SGCD: variants seen among roughly 807,000 people sequenced by gnomAD.
SGCD encodes the protein sarcoglycan delta, also known as delta-sarcoglycan.
SGCD carries 18 observed loss-of-function variants against 36.6 expected under a neutral mutation model. That is an observed-to-expected ratio of 0.49 (90% CI 0.34 to 0.73). The LOEUF (loss-of-function observed/expected upper bound fraction) is 0.73, where lower values mean the gene tolerates loss of function less well. Among genes scored for constraint, SGCD ranks in the 30% least tolerant of loss-of-function variants. The pLI is 0.01. For missense variants in SGCD, 387 were observed against 346.7 expected, an observed-to-expected ratio of 1.12 and a Z score of -0.92; for synonymous variants, 133 against 130.6, an observed-to-expected ratio of 1.02 and a Z score of -0.12.
the SGCD span, among the ~76,000 whole-genome samples, chr5:155,846,522 G>A: frequency 0.017 from 2,572 of 152,188 alleles, 78 homozygotes; most frequent in African/African-American, 0.059. Context: ...GTCATCACTC[G>A]TGGTTAGGGA....
At position 156,674,515 on chromosome 5, in the gene SGCD, G is replaced by A. The variant is rs192609487; in HGVS notation, c.575+26979G>A. ...TTTCTAATGGACTGAAGTGGTAAAC[G>A]ATCTCCCATAGTCACGGACATCCCA... On this transcript the variant is annotated intron_variant, in intron 7 of 8. Transcript: ENST00000337851. 4.0e-3 allele frequency among the ~76,000 whole-genome samples: 607 copies of A among 152,246 alleles called. 4 individuals are homozygous for A. The highest frequency in any genetic ancestry group is 6.8e-3 in the Non-Finnish European group (461 of 68,022).
At chr5:156,380,330 C>G (rs1770912563) in intron 3 of SGCD, among the ~76,000 whole-genome samples, 1 of 152,164 alleles carries the variant, frequency 6.6e-6, no homozygotes, top group South Asian at 2.1e-4. Flanking sequence ...AGAACCCTCA[C>G]TTGATGAATA....
At position 156,225,988 on chromosome 5, in the gene SGCD, G is replaced by A. The variant is rs117252319; in HGVS notation, c.-44+101969G>A. ...TGTTGGGCATATGGATAATTTACTG[G>A]AAATCATTTTGTGTGCAAGTATTAG... On this transcript the variant is annotated intron_variant, in intron 3 of 9. Coordinates refer to the SGCD transcript ENST00000517913. Among the ~76,000 whole-genome samples the A allele has an allele frequency of 1.1e-3, 163 of 152,172 alleles. 1 individual carries two copies. Among genetic ancestry groups the A allele is most frequent in the African/African-American group, 3.7e-3 (155 of 41,504 alleles).
At chr5:155,812,055 T>C in the SGCD span, among the ~76,000 whole-genome samples, 1 of 152,172 alleles carries the variant, frequency 6.6e-6, no homozygotes, top group African/African-American at 2.4e-5. Flanking sequence ...CAGTAACAAT[T>C]GCAACAAAAG....
intron 1 of SGCD, among the ~76,000 whole-genome samples, chr5:155,892,774 A>G (rs1053364479): frequency 1.3e-5 from 2 of 152,236 alleles, no homozygotes; most frequent in Non-Finnish European, 2.9e-5. Context: ...GAATAGTATT[A>G]CATTGTGTAT....
chr5:156,079,725 G>T (rs536915215), intron 1 of SGCD, among the ~76,000 whole-genome samples: 1 of 152,194 alleles, frequency 6.6e-6, no homozygotes, highest in South Asian at 2.1e-4. Context: ...CAAGAGGTGG[G>T]CCCCTAAGGT....
the SGCD span, among the ~76,000 whole-genome samples, chr5:155,744,834 A>G: frequency 3.0e-4 from 45 of 152,360 alleles, no homozygotes; most frequent in South Asian, 1.7e-3. Flanking sequence ...ATTTGATGAG[A>G]TAATGGCTAT....
intron 3 of SGCD, among the ~76,000 whole-genome samples, chr5:156,291,621 C>T (rs1455364985): frequency 3.3e-5 from 5 of 151,984 alleles, no homozygotes; most frequent in African/African-American, 4.8e-5. Flanking sequence ...TATTTACTAT[C>T]TTAACCTTTT....
At chr5:156,032,338 G>T (rs1170197742) in intron 1 of SGCD, among the ~76,000 whole-genome samples, 1 of 151,512 alleles carries the variant, frequency 6.6e-6, no homozygotes, top group Non-Finnish European at 1.5e-5. Flanking sequence ...ATTCTTTTTT[G>T]TTTTTTTAAC....
At chr5:156,120,639 T>C (rs1288892130) in intron 2 of SGCD, among the ~76,000 whole-genome samples, 1 of 152,172 alleles carries the variant, frequency 6.6e-6, no homozygotes, top group Admixed American at 6.6e-5. Flanking sequence ...AAGTACCTTT[T>C]CTCTGAAGCA....
In SGCD at chr5:156,647,502, C is replaced by T. The variant is rs1424732181; in HGVS notation, c.541C>T (p.Pro181Ser). The T allele has an allele frequency of 1.3e-6, 2 of 1,587,064 alleles. No individual in the cohort carries two copies. Among genetic ancestry groups the T allele is most frequent in the Admixed American group, 3.5e-5 (2 of 56,420 alleles). ...GTVFPKSIET[P>S]NVRADPFKEL... is the part of the protein sequence containing the mutation. ...AGTGTTCCCTAAATCTATAGAAACA[C>T]CTAATGTCAGGGCAGACCCCTTCAA... The change falls in exon 7 of 9, where the codon CCT becomes TCT. Residue 181 changes from proline (P) to serine (S), a missense_variant. By Grantham distance (74) the Pro-to-Ser change is moderately conservative (BLOSUM62 -1). Transcript: ENST00000337851.
At chr5:156,151,832 CTT>C (rs11284006) in intron 3 of SGCD, among the ~76,000 whole-genome samples, 1 of 149,532 alleles carries the variant, frequency 6.7e-6, no homozygotes, top group Non-Finnish European at 1.5e-5. Context: ...TCTTCTTCTT[CTT>C]TTTTTTTTGG....
chr5:156,298,877 T>G (rs115025702), intron 3 of SGCD, among the ~76,000 whole-genome samples: 2,134 of 152,314 alleles, frequency 0.014, 23 homozygotes, highest in Non-Finnish European at 0.024. Flanking sequence ...TTCAAATATT[T>G]TCTTTCATTG....
chr5:156,610,839 G>A (rs1409732962), intron 6 of SGCD, among the ~76,000 whole-genome samples: 1 of 152,228 alleles, frequency 6.6e-6, no homozygotes, highest in Non-Finnish European at 1.5e-5. Flanking sequence ...GACCCTCCAG[G>A]CCAGGCGCAG....
At position 156,740,710 on chromosome 5, in the gene SGCD, C is replaced by T. The variant is rs780179885; in HGVS notation, c.576-16871C>T. On this transcript the variant is annotated intron_variant, in intron 7 of 8. Transcript: ENST00000337851. ...ATTCACATTTGAAGATCTGCTAAGT[C>T]AGTCTACGTCAATGGTTCTCAACCA... is the stretch of plus-strand genomic sequence containing the variant. Among the ~76,000 whole-genome samples, 14 of 152,292 alleles carry T rather than the reference C, an allele frequency of 9.2e-5. 1 individual carries two copies. In the South Asian group the frequency reaches 1.0e-3, roughly 11 times the overall value.
chr5:156,239,765 A>G (rs932297296), intron 3 of SGCD, among the ~76,000 whole-genome samples: 3 of 151,974 alleles, frequency 2.0e-5, no homozygotes, highest in African/African-American at 4.8e-5. Context: ...TTGCCTGTAA[A>G]TGGGAACAAT....
At chr5:156,625,953 G>A (rs1416239748) in intron 6 of SGCD, among the ~76,000 whole-genome samples, 1 of 152,016 alleles carries the variant, frequency 6.6e-6, no homozygotes, top group South Asian at 2.1e-4. Flanking sequence ...CTCAACAGTG[G>A]TGTGTTGATA....
Position 155,875,726 on chromosome 5 carries a change from G to A in SGCD, c.-282+5302G>A, listed in dbSNP as rs114614759. On this transcript the variant is annotated intron_variant, in intron 1 of 9. Transcript: ENST00000517913. ...GTAACTGCCTGGGTCAGAGGCAAAA[G>A]CATCTGACATTCCTGTGACAGTTCT... Among the ~76,000 whole-genome samples the A allele has an allele frequency of 5.1e-3, 769 of 151,526 alleles. 11 individuals carry two copies. The highest frequency in any genetic ancestry group is 0.017 in the African/African-American group (709 of 41,274).
intron 3 of SGCD, among the ~76,000 whole-genome samples, chr5:156,209,136 A>G (rs1764369257): frequency 6.6e-6 from 1 of 152,136 alleles, no homozygotes; most frequent in Non-Finnish European, 1.5e-5. Context: ...GATAACACCC[A>G]TGAGCAAAGC....
Sources: allele counts gnomAD v4.1 joint callset (sites outside exome capture counted in the v4.1 genomes callset), GRCh38; gene constraint gnomAD v4.1.1; transcripts MANE v1.5; gene names NCBI Gene and HGNC (gene_info 2026-07-23, HGNC 2026-07-21).